PIK3C2G: variants seen among roughly 807,000 people sequenced by gnomAD.
PIK3C2G encodes the protein phosphatidylinositol-4-phosphate 3-kinase catalytic subunit type 2 gamma.
In PIK3C2G, 168 loss-of-function variants were observed where a neutral mutation model predicts 181.1. The observed-to-expected ratio is 0.93, with a 90% CI of 0.82 to 1.05. PIK3C2G has a LOEUF of 1.05. Among genes scored for constraint, PIK3C2G ranks in the 50% least tolerant of loss-of-function variants. The probability of loss-of-function intolerance (pLI) is 0.00; values close to 1 mark genes in which losing one functional copy is unlikely to be tolerated. For synonymous variants in PIK3C2G, 573 were observed against 592.2 expected, an observed-to-expected ratio of 0.97 and a Z score of 0.47; for missense variants, 1,869 against 1,732.8, an observed-to-expected ratio of 1.08 and a Z score of -1.40.
At chr12:18,435,857 G>A (rs1946416392) in intron 18 of PIK3C2G, among the ~76,000 whole-genome samples, 1 of 150,904 alleles carries the variant, frequency 6.6e-6, no homozygotes, top group Non-Finnish European at 1.5e-5. Context: ...TGGCTCCCTT[G>A]TACACATCTA....
At chr12:18,394,880 A>G (rs531100249) in intron 15 of PIK3C2G, among the ~76,000 whole-genome samples, 1 of 152,064 alleles carries the variant, frequency 6.6e-6, no homozygotes, top group Admixed American at 6.6e-5. Context: ...AAAATAATTA[A>G]GGAGATGGCC....
At chr12:18,303,159 C>CTT (rs1565575774) in intron 5 of PIK3C2G, among the ~76,000 whole-genome samples, 7 of 94,022 alleles carry the variant, frequency 7.4e-5, no homozygotes, top group East Asian at 7.1e-4. Context: ...TTTCTTCTTT[C>CTT]TCTTTCTTTC....
At chr12:18,514,213 A>G (rs1341213874) in intron 24 of PIK3C2G, among the ~76,000 whole-genome samples, 5 of 151,962 alleles carry the variant, frequency 3.3e-5, no homozygotes, top group South Asian at 4.1e-4. Context: ...TATAATTTCA[A>G]TCACCTTGAA....
In PIK3C2G at chr12:18,490,116, C is replaced by T. The variant is rs1940420844; in HGVS notation, c.2686-1335C>T. On this transcript the variant is annotated intron_variant, in intron 19 of 32. Transcript: ENST00000538779. ...CACTAATTAAGCATAACTATATGAA[C>T]TGGGAAGATACTTTACTTAAATGAA... Among the ~76,000 whole-genome samples, 3 of 152,230 alleles carry T rather than the reference C, an allele frequency of 2.0e-5. No individual in the cohort carries two copies. The South Asian group carries it at 6.2e-4, about 32-fold the overall frequency.
chr12:18,558,806 C>T (rs984100149), intron 26 of PIK3C2G, among the ~76,000 whole-genome samples: 1 of 152,184 alleles, frequency 6.6e-6, no homozygotes, highest in Admixed American at 6.6e-5. Flanking sequence ...CCCCATACTT[C>T]CTCTCCTTAT....
intron 6 of PIK3C2G, among the ~76,000 whole-genome samples, chr12:18,315,789 C>T (rs1275430952): frequency 6.6e-6 from 1 of 152,076 alleles, no homozygotes; most frequent in East Asian, 1.9e-4. Context: ...TGCATTCCTA[C>T]CAACTTAAAT....
chr12:18,505,352 G>A lies in PIK3C2G; in HGVS notation c.3214G>A (p.Val1072Ile), dbSNP rs1429149839. Residue 1072 changes from valine (V) to isoleucine (I), a missense_variant, in exon 24 of 33, where the codon GTA (valine) becomes ATA (isoleucine). Coordinates refer to ENST00000538779, the MANE Select transcript of PIK3C2G (RefSeq NM_001288772.2). The stretch of plus-strand genomic sequence containing the variant: ...GTGTGTGGTAACATTCATCCTGGGA[G>A]TATGTGACCGTCACAATGATAATAT... ...GWCVVTFILG[V>I]CDRHNDNIML... 9 of 1,613,022 alleles carry A rather than the reference G, an allele frequency of 5.6e-6. No individual in the cohort carries two copies. The highest frequency in any genetic ancestry group is 7.6e-6 in the Non-Finnish European group (9 of 1,179,454).
In PIK3C2G at chr12:18,355,490, T is replaced by C. The variant is rs1940637393; in HGVS notation, c.1626-7274T>C. On this transcript the variant is annotated intron_variant, in intron 11 of 32. Transcript: ENST00000538779. Reference sequence around the variant, plus strand: ...CCTAGTTCCAACCAGGCTGAACTCCTTGCCAGGGAAAGAAAGAGTCTATGG... The same window carrying C: ...CCTAGTTCCAACCAGGCTGAACTCCCTGCCAGGGAAAGAAAGAGTCTATGG... Among the ~76,000 whole-genome samples, 3 of 152,210 alleles carry C rather than the reference T, an allele frequency of 2.0e-5. No individual in the cohort carries two copies. The South Asian group carries it at 6.2e-4, about 31-fold the overall frequency.
At chr12:18,606,688 C>T (rs1172402605) in intron 30 of PIK3C2G, among the ~76,000 whole-genome samples, 1 of 151,890 alleles carries the variant, frequency 6.6e-6, no homozygotes, top group Non-Finnish European at 1.5e-5. Flanking sequence ...CTACACTGCT[C>T]AGGTATAATT....
chr12:18,637,936 C>T (rs1327954195), intron 31 of PIK3C2G, among the ~76,000 whole-genome samples: 1 of 152,208 alleles, frequency 6.6e-6, no homozygotes, highest in African/African-American at 2.4e-5. Flanking sequence ...CAAGCTTCAA[C>T]ATTAAATGAA....
Position 18,594,484 on chromosome 12 carries a change from T to C in PIK3C2G, c.4012-10T>C, listed in dbSNP as rs772599978. On this transcript the variant is annotated splice_polypyrimidine_tract_variant and intron_variant, in intron 29 of 32. Coordinates refer to ENST00000538779, the MANE Select transcript of PIK3C2G (RefSeq NM_001288772.2). ...AATAAAGAAATATTATGTTTCATTT[T>C]GTTTTTCAGAGTGATTGTGTACTTA... 6.6e-6 allele frequency: 10 copies of C among 1,508,900 alleles called. No homozygotes were observed. The East Asian group carries it at 2.4e-4, about 37-fold the overall frequency. 93.5% of individuals were successfully genotyped at this position (1,508,900 alleles called of 1,614,324 possible). A position where few individuals can be genotyped will look rare whatever the true frequency, so the allele number is the denominator to read the frequency against.
chr12:18,501,012 C>A (rs1941430789), intron 22 of PIK3C2G, among the ~76,000 whole-genome samples: 1 of 151,902 alleles, frequency 6.6e-6, no homozygotes, highest in Admixed American at 6.6e-5. Flanking sequence ...CACTCCTGAG[C>A]CAGCGAGACC....
chr12:18,288,313 CATTT>C (rs1209399849), intron 3 of PIK3C2G, among the ~76,000 whole-genome samples: 3 of 152,064 alleles, frequency 2.0e-5, no homozygotes, highest in African/African-American at 7.2e-5. Context: ...ATGTTTGAAT[CATTT>C]ATTTAATCAT....
At chr12:18,707,279 G>A in the PIK3C2G span, among the ~76,000 whole-genome samples, 21 of 152,138 alleles carry the variant, frequency 1.4e-4, no homozygotes, top group Non-Finnish European at 2.9e-4. Context: ...TTCTGAATTA[G>A]AGTGAGTCCA....
intron 11 of PIK3C2G, among the ~76,000 whole-genome samples, chr12:18,360,965 T>C (rs1941183590): frequency 6.6e-6 from 1 of 152,172 alleles, no homozygotes; most frequent in Non-Finnish European, 1.5e-5. Flanking sequence ...ATTCCTCTTT[T>C]TTTCTTTTTC....
chr12:18,607,793 C>A (rs1360182140), intron 30 of PIK3C2G, among the ~76,000 whole-genome samples: 1 of 152,200 alleles, frequency 6.6e-6, no homozygotes, highest in Non-Finnish European at 1.5e-5. Flanking sequence ...TTTTTGCAAT[C>A]TACTCATCTG....
At chr12:18,280,211 A>G (rs552239087) in intron 1 of PIK3C2G, among the ~76,000 whole-genome samples, 1 of 152,058 alleles carries the variant, frequency 6.6e-6, no homozygotes, top group Non-Finnish European at 1.5e-5. Context: ...ATGAGCATCT[A>G]CTATGAGTGA....
the PIK3C2G span, among the ~76,000 whole-genome samples, chr12:18,660,973 GA>G: frequency 6.6e-6 from 1 of 152,024 alleles, no homozygotes; most frequent in Non-Finnish European, 1.5e-5. Flanking sequence ...AAACCCAAAT[GA>G]AGCCAAAATG....
chr12:18,538,139 C>G lies in PIK3C2G; in HGVS notation c.3324-17C>G, dbSNP rs374238386. ...TTTCTCTTCCTTCGAATGATTGCTACTGTTTTTGGTTTACAGGGACCGAGC... is the reference window on the plus strand; with the variant it reads ...TTTCTCTTCCTTCGAATGATTGCTAGTGTTTTTGGTTTACAGGGACCGAGC... On this transcript the variant is annotated splice_polypyrimidine_tract_variant and intron_variant, in intron 24 of 32. Coordinates refer to ENST00000538779, the MANE Select transcript of PIK3C2G (RefSeq NM_001288772.2). The G allele has an allele frequency of 2.9e-4, 466 of 1,600,374 alleles. 8 individuals are homozygous for G. In the South Asian group the frequency reaches 3.2e-3, roughly 11 times the overall value.
Sources: allele counts gnomAD v4.1 joint callset (sites outside exome capture counted in the v4.1 genomes callset), GRCh38; gene constraint gnomAD v4.1.1; transcripts MANE v1.5; gene names NCBI Gene and HGNC (gene_info 2026-07-23, HGNC 2026-07-21).